MGAT4C: variants seen among roughly 807,000 people sequenced by gnomAD.
MGAT4C encodes the protein MGAT4 family member C.
MGAT4C carries 19 observed loss-of-function variants against 40.1 expected under a neutral mutation model. That is an observed-to-expected ratio of 0.47 (90% CI 0.33 to 0.70). The LOEUF (loss-of-function observed/expected upper bound fraction) is 0.70. MGAT4C is among the 30% of genes least tolerant of loss of function. The probability of loss-of-function intolerance (pLI) is 0.02; values close to 1 mark genes in which losing one functional copy is unlikely to be tolerated. For synonymous variants in MGAT4C, 181 were observed against 187.1 expected (o/e 0.97, Z 0.27); for missense variants, 491 against 563.2 (o/e 0.87, Z 1.30).
chr12:86,100,482 T>G (rs1486499642), intron 1 of MGAT4C, among the ~76,000 whole-genome samples: 1 of 151,518 alleles, frequency 6.6e-6, no homozygotes, highest in East Asian at 1.9e-4. Context: ...AAGACAATAT[T>G]TTCCCCTTTT....
At chr12:86,619,995 T>G (rs1407276667) in intron 2 of MGAT4C, among the ~76,000 whole-genome samples, 2 of 152,090 alleles carry the variant, frequency 1.3e-5, no homozygotes, top group African/African-American at 4.8e-5. Context: ...GAAACGTGAA[T>G]AAAATGCTCA....
At chr12:86,432,869 C>G (rs1188190646) in intron 3 of MGAT4C, among the ~76,000 whole-genome samples, 4 of 151,924 alleles carry the variant, frequency 2.6e-5, no homozygotes, top group African/African-American at 7.3e-5. Context: ...TGTTTGTAAA[C>G]TTTATAATAT....
intron 1 of MGAT4C, among the ~76,000 whole-genome samples, chr12:86,190,807 ATTTAT>A (rs1233777831): frequency 6.6e-6 from 1 of 152,028 alleles, no homozygotes; most frequent in Non-Finnish European, 1.5e-5. Context: ...CTACCTTAAC[ATTTAT>A]TTTAAGTTGA....
chr12:86,805,083 C>T lies in MGAT4C; in HGVS notation c.-262+33583G>A, dbSNP rs190419775. Among the ~76,000 whole-genome samples, 968 of 151,964 alleles carry T rather than the reference C, an allele frequency of 6.4e-3. 8 individuals are homozygous for T. The highest frequency in any genetic ancestry group is 9.0e-3 in the Non-Finnish European group (612 of 67,940). Reference sequence around the variant, plus strand: ...TTGTTATCAGAAATGCACATTTGTCCTTTGTGTATCCATATTAATATTGTT... The same window carrying T: ...TTGTTATCAGAAATGCACATTTGTCTTTTGTGTATCCATATTAATATTGTT... On this transcript the variant is annotated intron_variant, in intron 1 of 7. Coordinates refer to the MGAT4C transcript ENST00000548651.
intron 2 of MGAT4C, among the ~76,000 whole-genome samples, chr12:86,490,566 C>T (rs1048670141): frequency 6.6e-6 from 1 of 151,754 alleles, no homozygotes; most frequent in African/African-American, 2.4e-5. Flanking sequence ...CAAATTCACA[C>T]ATAACAATAT....
intron 2 of MGAT4C, among the ~76,000 whole-genome samples, chr12:86,616,749 C>T (rs1962462533): frequency 1.3e-5 from 2 of 149,916 alleles, no homozygotes; most frequent in Admixed American, 1.3e-4. Context: ...AGTTTTCTCT[C>T]AAAATGTTTG....
intron 2 of MGAT4C, among the ~76,000 whole-genome samples, chr12:86,719,983 G>A (rs562552520): frequency 8.7e-4 from 132 of 152,036 alleles, no homozygotes; most frequent in Non-Finnish European, 1.2e-3. Context: ...TTAACCTTAG[G>A]TCTTTTGGGA....
At chr12:86,055,248 A>G (rs2136982536) in intron 1 of MGAT4C, among the ~76,000 whole-genome samples, 1 of 152,192 alleles carries the variant, frequency 6.6e-6, no homozygotes, top group South Asian at 2.1e-4. Flanking sequence ...AATTTACATA[A>G]AGCACTGTGT....
At chr12:86,221,909 A>C (rs1950892944) in intron 1 of MGAT4C, among the ~76,000 whole-genome samples, 1 of 152,256 alleles carries the variant, frequency 6.6e-6, no homozygotes, top group Admixed American at 6.5e-5. Context: ...TTTCTTTAAC[A>C]ACACTATATA....
chr12:86,245,908 A>G lies in MGAT4C; in HGVS notation c.-57+10331T>C, dbSNP rs565327075. On this transcript the variant is annotated intron_variant, in intron 1 of 4. Coordinates refer to ENST00000611864, the MANE Select transcript of MGAT4C (RefSeq NM_001351288.2). The stretch of plus-strand genomic sequence containing the variant: ...TCATCATAGAGCTACCAGAATAAAT[A>G]GCTCAATGTGTAGCCAAATTTTAAA... Among the ~76,000 whole-genome samples, 17 of 152,340 alleles carry G rather than the reference A, an allele frequency of 1.1e-4. 1 individual carries two copies. In the South Asian group the frequency reaches 2.3e-3, roughly 20 times the overall value.
intron 1 of MGAT4C, among the ~76,000 whole-genome samples, chr12:86,208,275 G>T (rs1261460102): frequency 6.6e-6 from 1 of 152,184 alleles, no homozygotes; most frequent in Non-Finnish European, 1.5e-5. Flanking sequence ...AGACCAGCCT[G>T]GGCAACATGG....
intron 2 of MGAT4C, among the ~76,000 whole-genome samples, chr12:86,584,153 A>C (rs1309565364): frequency 6.6e-6 from 1 of 150,938 alleles, no homozygotes; most frequent in Non-Finnish European, 1.5e-5. Flanking sequence ...CCACATATAC[A>C]TTGAGTGCTA....
chr12:86,685,235 G>C (rs533988830), intron 2 of MGAT4C, among the ~76,000 whole-genome samples: 1 of 152,230 alleles, frequency 6.6e-6, no homozygotes, highest in East Asian at 1.9e-4. Flanking sequence ...AAGGGGTCCA[G>C]GTTCAGATTT....
intron 1 of MGAT4C, among the ~76,000 whole-genome samples, chr12:86,771,897 GGATATTTAGCT>G (rs1338936552): frequency 6.6e-6 from 1 of 151,938 alleles, no homozygotes; most frequent in East Asian, 1.9e-4. Context: ...TTATAAATTT[GGATATTTAGCT>G]GATAAGATTT....
At chr12:86,641,304 G>A (rs1006257324) in intron 2 of MGAT4C, among the ~76,000 whole-genome samples, 15 of 151,448 alleles carry the variant, frequency 9.9e-5, no homozygotes, top group African/African-American at 3.6e-4. Context: ...TCACTCATAG[G>A]TGGGAATTGA....
chr12:86,644,913 G>A (rs1963493973), intron 2 of MGAT4C, among the ~76,000 whole-genome samples: 2 of 151,624 alleles, frequency 1.3e-5, no homozygotes, highest in Admixed American at 6.6e-5. Context: ...CTAACATGCT[G>A]GTAATGTTCT....
intron 1 of MGAT4C, among the ~76,000 whole-genome samples, chr12:86,817,392 T>C (rs1190771155): frequency 6.6e-6 from 1 of 151,582 alleles, no homozygotes; most frequent in Admixed American, 6.6e-5. Flanking sequence ...TATTGTTTCT[T>C]TAGTAATTTG....
chr12:86,206,118 C>G (rs892953508), intron 1 of MGAT4C, among the ~76,000 whole-genome samples: 2 of 152,046 alleles, frequency 1.3e-5, no homozygotes, highest in Non-Finnish European at 2.9e-5. Flanking sequence ...AACTTAATCC[C>G]CAATGTGGCA....
intron 1 of MGAT4C, among the ~76,000 whole-genome samples, chr12:86,177,424 C>A (rs1281795260): frequency 6.6e-6 from 1 of 151,854 alleles, no homozygotes; most frequent in Non-Finnish European, 1.5e-5. Context: ...TGTACATAAA[C>A]AAAAAATTTT....
Sources: allele counts gnomAD v4.1 joint callset (sites outside exome capture counted in the v4.1 genomes callset), GRCh38; gene constraint gnomAD v4.1.1; transcripts MANE v1.5; gene names NCBI Gene and HGNC (gene_info 2026-07-23, HGNC 2026-07-21).